The following DOHH variants were observed in gnomAD, a reference collection of about 807,000 sequenced individuals.
The protein encoded by DOHH is HEAT-like (PBS lyase) repeat containing 1.
DOHH carries 16 observed loss-of-function variants against 19.9 expected under a neutral mutation model. The observed-to-expected ratio is 0.80, with a 90% CI of 0.54 to 1.22. The LOEUF (loss-of-function observed/expected upper bound fraction) is 1.22, where lower values mean the gene tolerates loss of function less well. DOHH is among the 50% of genes most tolerant of loss of function. The probability of loss-of-function intolerance (pLI) is 0.00; values close to 1 mark genes in which losing one functional copy is unlikely to be tolerated. For synonymous variants in DOHH, 233 were observed against 217.0 expected (o/e 1.07, Z -0.65); for missense variants, 460 against 460.6 (o/e 1.00, Z 0.01).
At chr19:3,494,225 C>G in intron 2 of DOHH, 121 bp from the exon 3 acceptor site, 1 of 769,598 alleles carries the variant, frequency 1.3e-6, no homozygotes, top group Non-Finnish European at 2.1e-6. Context: ...AGCCCCGCCT[C>G]TGTCCACGGC....
chr19:3,491,379 G>A lies in DOHH; in HGVS notation c.*113C>T, dbSNP rs895338804. ...GAGGGGGACAGCAACCATGCGCCCA[G>A]CAAGACACAAGCGATGACACCGATT... is the stretch of plus-strand genomic sequence containing the variant. On this transcript the variant is annotated 3_prime_UTR_variant, in exon 5 of 5. Coordinates refer to ENST00000427575, the MANE Select transcript of DOHH (RefSeq NM_001145165.2). The surrounding 1 kb of genome is among the most constrained non-coding windows in gnomAD (Gnocchi z 5.6). 1 of 1,182,612 alleles carries A rather than the reference G, an allele frequency of 8.5e-7. No individual in the cohort carries two copies. Among genetic ancestry groups the A allele is most frequent in the East Asian group, 2.6e-5 (1 of 37,894 alleles). The allele number at this position is 1,182,612 out of a possible 1,614,324, so 73.3% of individuals were successfully genotyped here. A position where few individuals can be genotyped will look rare whatever the true frequency, so the allele number is the denominator to read the frequency against.
At position 3,491,868 on chromosome 19, in the gene DOHH, CTT is replaced by C; in HGVS notation, c.590-59_590-58del. On this transcript the variant is annotated intron_variant, in intron 4 of 4. Coordinates refer to ENST00000427575, the MANE Select transcript of DOHH (RefSeq NM_001145165.2). This position sits in a 1 kb window ranked among gnomAD's most constrained non-coding sequence, Gnocchi z 5.6. ...GGAGGGGTGGGAAGGGGAGCTCTGT[CTT>C]TTCGAAGACATGGGGTCTTGCTATC... 7.2e-7 allele frequency: 1 copy of C among 1,389,598 alleles called. No homozygotes were observed. Among genetic ancestry groups the C allele is most frequent in the Non-Finnish European group, 9.4e-7 (1 of 1,066,604 alleles). 86.1% of individuals were successfully genotyped at this position (1,389,598 alleles called of 1,614,324 possible). A position where few individuals can be genotyped will look rare whatever the true frequency, so the allele number is the denominator to read the frequency against.
chr19:3,492,014 G>GC (rs1200259957), intron 4 of DOHH, among the ~76,000 whole-genome samples: 1 of 152,136 alleles, frequency 6.6e-6, no homozygotes, highest in East Asian at 1.9e-4. Context: ...AGACACCCCT[G>GC]CCCCCAGCCC....
At chr19:3,492,966 G>A (rs2082881828) in intron 3 of DOHH, among the ~76,000 whole-genome samples, 1 of 152,224 alleles carries the variant, frequency 6.6e-6, no homozygotes, top group Non-Finnish European at 1.5e-5. Context: ...ACGTACCCCC[G>A]GCTGCCCCGG....
Position 3,492,482 on chromosome 19 carries a change from C to G in DOHH, c.369G>C (p.Gln123His). Residue 123 changes from glutamine (Q) to histidine (H), a missense_variant, in exon 4 of 5, where the codon CAG becomes CAC. By Grantham distance (24) the Gln-to-His change is conservative. Transcript: ENST00000427575. Reference sequence around the variant, plus strand: ...GCCACTCCAGCCTGCGCACGGCCAGCTGGCAGGTCTCGGCCACCTGCGGGG... The same window carrying G: ...GCCACTCCAGCCTGCGCACGGCCAGGTGGCAGGTCTCGGCCACCTGCGGGG... Reference protein sequence around the residue: ...DPVIEVAETCQLAVRRLEWLQ... With the variant: ...DPVIEVAETCHLAVRRLEWLQ... The G allele has an allele frequency of 7.2e-7, 1 of 1,393,448 alleles. No individual in the cohort carries two copies. 86.3% of individuals were successfully genotyped at this position (1,393,448 alleles called of 1,614,324 possible).
chr19:3,498,324 T>C (rs1424525944), intron 1 of DOHH, among the ~76,000 whole-genome samples: 1 of 152,046 alleles, frequency 6.6e-6, no homozygotes, highest in Non-Finnish European at 1.5e-5. Flanking sequence ...AGTGCCCTCA[T>C]ACAAAGGCTG....
In DOHH at chr19:3,492,393, G is replaced by C. The variant is rs1305978351; in HGVS notation, c.458C>G (p.Ala153Gly). 1.3e-6 allele frequency: 2 copies of C among 1,531,582 alleles called. No homozygotes were observed. Among genetic ancestry groups the C allele is most frequent in the Admixed American group, 4.0e-5 (2 of 50,556 alleles). The allele number at this position is 1,531,582 out of a possible 1,614,324, so 94.9% of individuals were successfully genotyped here. Residue 153 changes from alanine (A) to glycine (G), a missense_variant, in exon 4 of 5, where the codon GCT becomes GGT. Coordinates refer to ENST00000427575, the MANE Select transcript of DOHH (RefSeq NM_001145165.2). ...CAGGCGCCCCACGTCACGCTCCTCA[G>C]CCGGCGGGGCAGGGTCCACGGAGAG... ...PYLSVDPAPP[A>G]EERDVGRLRE...
In DOHH at chr19:3,491,695, G is replaced by T; in HGVS notation, c.706C>A (p.Pro236Thr). Residue 236 changes from proline to threonine, a missense_variant, in exon 5 of 5, where the codon CCC (proline) becomes ACC (threonine). By Grantham distance (38) the Pro-to-Thr change is conservative. Transcript: ENST00000427575. The surrounding 1 kb of genome is among the most constrained non-coding windows in gnomAD (Gnocchi z 5.6). Reference protein sequence around the residue: ...AAALARCTENPMVRHECAEAL... With the variant: ...AAALARCTENTMVRHECAEAL... Reference sequence around the variant, plus strand: ...TCCGCGCACTCGTGCCGCACCATGGGGTTCTCGGTGCATCGGGCCAGGGCG... The same window carrying T: ...TCCGCGCACTCGTGCCGCACCATGGTGTTCTCGGTGCATCGGGCCAGGGCG... 5 of 1,526,498 alleles carry T rather than the reference G, an allele frequency of 3.3e-6. No individual in the cohort carries two copies. The highest frequency in any genetic ancestry group is 3.5e-6 in the Non-Finnish European group (4 of 1,139,902). 94.6% of individuals were successfully genotyped at this position (1,526,498 alleles called of 1,614,324 possible). A position where few individuals can be genotyped will look rare whatever the true frequency, so the allele number is the denominator to read the frequency against.
At chr19:3,493,406 G>A (rs754081616) in intron 3 of DOHH, among the ~76,000 whole-genome samples, 1 of 152,300 alleles carries the variant, frequency 6.6e-6, no homozygotes, top group Admixed American at 6.5e-5. Context: ...TCAGGAGATC[G>A]AGACCATCCT....
rs922978504 is a variant in DOHH, at chr19:3,492,445, C to T, written c.406G>A (p.Gly136Ser). The T allele has an allele frequency of 8.1e-6, 12 of 1,476,728 alleles. No individual in the cohort carries two copies. The highest frequency in any genetic ancestry group is 2.6e-5 in the South Asian group (2 of 76,152). 91.5% of individuals were successfully genotyped at this position (1,476,728 alleles called of 1,614,324 possible). The change falls in exon 4 of 5, where the codon GGC (glycine) becomes AGC (serine). Residue 136 changes from glycine to serine, a missense_variant. By Grantham distance (56) the Gly-to-Ser change is moderately conservative. Transcript: ENST00000427575. The part of the protein sequence containing the change: ...VRRLEWLQQH[G>S]GEPAAGPYLS... ...TAGGGTCCCGCCGCCGGCTCCCCGC[C>T]GTGCTGCTGCAGCCACTCCAGCCTG...
At chr19:3,497,243 C>G (rs62130574) in intron 1 of DOHH, among the ~76,000 whole-genome samples, 1 of 152,096 alleles carries the variant, frequency 6.6e-6, no homozygotes, top group Non-Finnish European at 1.5e-5. Context: ...TTATATAGTC[C>G]TCTCCCACTC....
intron 2 of DOHH, among the ~76,000 whole-genome samples, chr19:3,494,725 C>T (rs1192108308): frequency 2.0e-5 from 3 of 152,246 alleles, no homozygotes; most frequent in African/African-American, 4.8e-5. Context: ...AGGGCCCTGC[C>T]TGTGAGGCAG....
At chr19:3,498,469 T>C (rs1394909075) in intron 1 of DOHH, among the ~76,000 whole-genome samples, 13 of 152,190 alleles carry the variant, frequency 8.5e-5, no homozygotes, top group Admixed American at 7.9e-4. Flanking sequence ...GTAGTGGCAT[T>C]ATCTCGGCTC....
Position 3,496,980 on chromosome 19 carries a change from G to A in DOHH, c.-72-94C>T. On this transcript the variant is annotated intron_variant, in intron 1 of 4. Transcript: ENST00000427575. The surrounding 1 kb of genome is among the most constrained non-coding windows in gnomAD (Gnocchi z 4.8). ...TGGGTGGGGCAAATTCCTACCCACT[G>A]ACCAACCTGAGCATCTACGCTGAAA... The A allele has an allele frequency of 1.2e-6, 1 of 836,292 alleles. No individual in the cohort carries two copies. The highest frequency in any genetic ancestry group is 4.2e-5 in the South Asian group (1 of 23,600). The allele number at this position is 836,292 out of a possible 1,614,324, so 51.8% of individuals were successfully genotyped here. A position where few individuals can be genotyped will look rare whatever the true frequency, so the allele number is the denominator to read the frequency against.
intron 2 of DOHH, among the ~76,000 whole-genome samples, 179 bp from the exon 3 acceptor site, chr19:3,494,283 T>A (rs1293469026): frequency 6.6e-6 from 1 of 151,976 alleles, no homozygotes; most frequent in East Asian, 1.9e-4. Flanking sequence ...CCAATCAGCA[T>A]CCCCTCCCCA....
chr19:3,496,616 C>A lies in DOHH; in HGVS notation c.199G>T (p.Asp67Tyr). 6.2e-7 allele frequency: 1 copy of A among 1,614,050 alleles called. No individual in the cohort carries two copies. Among genetic ancestry groups the A allele is most frequent in the Admixed American group, 1.7e-5 (1 of 60,036 alleles). The change falls in exon 2 of 5, where the codon GAT (aspartate) becomes TAT (tyrosine). Residue 67 changes from aspartate (D) to tyrosine (Y), a missense_variant. By Grantham distance (160) the Asp-to-Tyr change is radical. Transcript: ENST00000427575. The surrounding 1 kb of genome is among the most constrained non-coding windows in gnomAD (Gnocchi z 4.8). ...ELAYCLGQMQ[D>Y]ARAIPMLVDV... Reference sequence around the variant, plus strand: ...ACCAGCATGGGGATGGCGCGGGCATCCTGCATCTGGCCCAGGCAGTAGGCC... The same window carrying A: ...ACCAGCATGGGGATGGCGCGGGCATACTGCATCTGGCCCAGGCAGTAGGCC...
At chr19:3,493,610 CAAA>C (rs577983387) in intron 3 of DOHH, among the ~76,000 whole-genome samples, 1 of 139,508 alleles carries the variant, frequency 7.2e-6, no homozygotes, top group African/African-American at 2.6e-5. Flanking sequence ...GACACCGTCT[CAAA>C]AAAAAAAAAG....
chr19:3,492,160 T>C (rs1347613080), intron 4 of DOHH, 102 bp downstream of exon 4: 3 of 1,103,850 alleles, frequency 2.7e-6, no homozygotes, highest in Non-Finnish European at 3.6e-6. Flanking sequence ...AGGCCCGGGA[T>C]GCCGTTCCCG....
rs1448138956 is a variant in DOHH at position 3,496,468 on chromosome 19, G to A, written c.274+73C>T. 6 of 1,551,402 alleles carry A rather than the reference G, an allele frequency of 3.9e-6. No individual in the cohort carries two copies. The highest frequency in any genetic ancestry group is 4.4e-6 in the Non-Finnish European group (5 of 1,148,958). ...CTCTGATATTTATCACCTGAGTGAG[G>A]AAGGGGACACGTGGGGTCATGAAGA... On this transcript the variant is annotated intron_variant, in intron 2 of 4. Transcript: ENST00000427575. The surrounding 1 kb of genome is among the most constrained non-coding windows in gnomAD (Gnocchi z 4.8).
Sources: gnomAD v4.1 joint callset for allele counts (sites outside exome capture counted in the v4.1 genomes callset) on GRCh38, gnomAD v4.1.1 for gene constraint, Gnocchi (gnomAD v3.1) non-coding constraint, MANE v1.5 for transcripts, NCBI Gene and HGNC (gene_info 2026-07-23, HGNC 2026-07-21) for gene names.